RBM47: variants seen among roughly 807,000 people sequenced by gnomAD.
RBM47 encodes RNA-binding protein 47.
In RBM47, 21 loss-of-function variants were observed where a neutral mutation model predicts 47.1. The ratio of observed to expected loss-of-function variants is 0.45; its 90% CI spans 0.32 to 0.64. The LOEUF (loss-of-function observed/expected upper bound fraction) is 0.64. Among genes scored for constraint, RBM47 ranks in the 30% least tolerant of loss-of-function variants. The pLI is 0.05. For missense variants in RBM47, 708 were observed against 870.9 expected, an observed-to-expected ratio of 0.81 and a Z score of 2.35; for synonymous variants, 375 against 361.7, an observed-to-expected ratio of 1.04 and a Z score of -0.42.
intron 2 of RBM47, among the ~76,000 whole-genome samples, chr4:40,481,492 A>T (rs1397260465): frequency 5.7e-4 from 65 of 113,586 alleles, no homozygotes; most frequent in African/African-American, 2.0e-3. Flanking sequence ...TATTATTTTT[A>T]TTTTTATTTT....
At chr4:40,505,881 T>C (rs1474477962) in intron 2 of RBM47, among the ~76,000 whole-genome samples, 1 of 136,906 alleles carries the variant, frequency 7.3e-6, no homozygotes, top group Non-Finnish European at 1.5e-5. Context: ...AGCGAGAGTC[T>C]GTCTCAAAAA....
At chr4:40,563,323 T>A (rs1171512579) in intron 1 of RBM47, among the ~76,000 whole-genome samples, 1 of 152,272 alleles carries the variant, frequency 6.6e-6, no homozygotes, top group African/African-American at 2.4e-5. Context: ...TAAATAGCAC[T>A]GAAACAATGA....
intron 2 of RBM47, among the ~76,000 whole-genome samples, chr4:40,532,309 A>ATTTTT (rs34850081): frequency 4.1e-4 from 27 of 65,794 alleles, no homozygotes; most frequent in Non-Finnish European, 6.3e-4. Context: ...CACGCCCGGC[A>ATTTTT]TTTTTTTTTT....
At chr4:40,571,606 A>C (rs1010076606) in intron 1 of RBM47, among the ~76,000 whole-genome samples, 1 of 152,062 alleles carries the variant, frequency 6.6e-6, no homozygotes, top group Non-Finnish European at 1.5e-5. Flanking sequence ...CAACTACATA[A>C]AATTTTTTTT....
chr4:40,602,174 G>GAGAAAA (rs1008544341), intron 1 of RBM47, among the ~76,000 whole-genome samples: 2 of 149,734 alleles, frequency 1.3e-5, no homozygotes, highest in African/African-American at 2.5e-5. Flanking sequence ...AGACTCCATC[G>GAGAAAA]AGAAAAAGAA....
chr4:40,452,108 T>C (rs1370696584), intron 3 of RBM47, among the ~76,000 whole-genome samples: 1 of 149,512 alleles, frequency 6.7e-6, no homozygotes. Flanking sequence ...AGGTAGAGGC[T>C]GCAATGAGCC....
chr4:40,567,362 T>C (rs1017649228), intron 1 of RBM47, among the ~76,000 whole-genome samples: 2 of 152,062 alleles, frequency 1.3e-5, no homozygotes, highest in South Asian at 4.1e-4. Flanking sequence ...GCACATACTA[T>C]ATATAAGTTC....
intron 3 of RBM47, among the ~76,000 whole-genome samples, chr4:40,456,571 C>CTTTTTTT (rs34320480): frequency 1.9e-4 from 21 of 112,566 alleles, no homozygotes; most frequent in South Asian, 2.7e-4. Context: ...TTTCTTTTTT[C>CTTTTTTT]TTTTTTTTTT....
At chr4:40,548,813 C>T (rs1192384118) in intron 1 of RBM47, among the ~76,000 whole-genome samples, 1 of 151,830 alleles carries the variant, frequency 6.6e-6, no homozygotes, top group Non-Finnish European at 1.5e-5. Context: ...ATTACAGGCA[C>T]ATGCCACCAT....
chr4:40,498,696 G>T (rs879585454), intron 2 of RBM47, among the ~76,000 whole-genome samples: 13 of 145,534 alleles, frequency 8.9e-5, no homozygotes, highest in Non-Finnish European at 2.0e-4. Context: ...AAAAAAAATT[G>T]TTAAGTATGA....
intron 1 of RBM47, among the ~76,000 whole-genome samples, chr4:40,596,784 C>T (rs1734795406): frequency 6.6e-6 from 1 of 152,026 alleles, no homozygotes; most frequent in Admixed American, 6.6e-5. Flanking sequence ...TCACTGCATT[C>T]AGGGGAGTGG....
At chr4:40,621,530 A>C (rs1266541156) in intron 1 of RBM47, among the ~76,000 whole-genome samples, 1 of 152,240 alleles carries the variant, frequency 6.6e-6, no homozygotes, top group African/African-American at 2.4e-5. Context: ...TCTGCAGCTG[A>C]GAACAATCTA....
Position 40,569,440 on chromosome 4 carries a change from G to T in RBM47, c.-239-24934C>A, listed in dbSNP as rs1243400210. On this transcript the variant is annotated intron_variant, in intron 1 of 6. Transcript: ENST00000295971. ...TTTTTTTTTTTTTGAGACGGAGTCT[G>T]GCTCTGTCGCCCAGGCTGGAGTGCA... 5.1e-4 allele frequency among the ~76,000 whole-genome samples: 75 copies of T among 147,450 alleles called. 1 individual carries two copies. Among genetic ancestry groups the T allele is most frequent in the Non-Finnish European group, 1.0e-3 (70 of 66,876 alleles).
intron 2 of RBM47, among the ~76,000 whole-genome samples, chr4:40,530,457 C>T (rs1423928121): frequency 2.0e-5 from 3 of 152,036 alleles, no homozygotes; most frequent in East Asian, 1.9e-4. Context: ...CACACGCCAT[C>T]GCACCCAGCT....
intron 1 of RBM47, among the ~76,000 whole-genome samples, chr4:40,610,625 A>C (rs1420644811): frequency 1.3e-5 from 2 of 151,530 alleles, no homozygotes; most frequent in African/African-American, 2.4e-5. Context: ...AAAAAAAAAA[A>C]AAAAAAGAAC....
intron 1 of RBM47, among the ~76,000 whole-genome samples, chr4:40,608,307 A>G (rs959216401): frequency 2.0e-5 from 3 of 152,168 alleles, no homozygotes; most frequent in Non-Finnish European, 4.4e-5. Flanking sequence ...TGAGCATCTG[A>G]GGGCAGGAAG....
chr4:40,565,128 G>A (rs572317576), intron 1 of RBM47, among the ~76,000 whole-genome samples: 6 of 152,298 alleles, frequency 3.9e-5, no homozygotes, highest in Non-Finnish European at 7.3e-5. Context: ...CTTTATCAAG[G>A]GAGGCAATGA....
chr4:40,520,431 G>A (rs187534256), intron 2 of RBM47, among the ~76,000 whole-genome samples: 1 of 152,256 alleles, frequency 6.6e-6, no homozygotes, highest in Non-Finnish European at 1.5e-5. Flanking sequence ...TCTGGGGAGT[G>A]CTGCTCTATC....
At chr4:40,606,362 GA>G (rs1204285726) in intron 1 of RBM47, among the ~76,000 whole-genome samples, 1 of 151,416 alleles carries the variant, frequency 6.6e-6, no homozygotes, top group East Asian at 1.9e-4. Flanking sequence ...GTCTCGGTAA[GA>G]AAAAAAAGAA....
Sources: gnomAD v4.1 joint callset for allele counts (sites outside exome capture counted in the v4.1 genomes callset) on GRCh38, gnomAD v4.1.1 for gene constraint, MANE v1.5 for transcripts, NCBI Gene and HGNC (gene_info 2026-07-23, HGNC 2026-07-21) for gene names.